SYT4: variants seen among roughly 807,000 people sequenced by gnomAD.
The protein encoded by SYT4 is synaptotagmin-4.
SYT4 carries 7 observed loss-of-function variants against 32.9 expected under a neutral mutation model. The observed-to-expected ratio is 0.21, with a 90% confidence interval of 0.12 to 0.40. SYT4 has a LOEUF of 0.40. Ranked by LOEUF, SYT4 falls within the 10% of genes least tolerant of loss-of-function variation. SYT4 has a pLI of 1.00. For missense variants in SYT4, 480 were observed against 488.0 expected (o/e 0.98, Z 0.16); for synonymous variants, 205 against 186.2 (o/e 1.10, Z -0.82).
chr18:43,274,177 C>A lies in SYT4; in HGVS notation c.252G>T (p.Lys84Asn). The change falls in exon 2 of 4, where the codon AAG (lysine) becomes AAT (asparagine). Residue 84 changes from lysine to asparagine, a missense_variant. Lys to Asn is a moderately conservative substitution (Grantham distance 94, BLOSUM62 0). Transcript: ENST00000255224. The part of the protein sequence containing the change: ...GADDKNEVKN[K>N]PAVPKNSLHL... ...GCAATGAATTCTTTGGCACAGCTGGCTTATTCTTTACTTCATTTTTATCAT... is the reference window on the plus strand; with the variant it reads ...GCAATGAATTCTTTGGCACAGCTGGATTATTCTTTACTTCATTTTTATCAT... The A allele has an allele frequency of 6.2e-7, 1 of 1,614,042 alleles. No homozygotes were observed. Among genetic ancestry groups the A allele is most frequent in the Non-Finnish European group, 8.5e-7 (1 of 1,179,938 alleles).
At chr18:43,270,745 CAT>C (rs1444461940) in intron 3 of SYT4, 97 bp from the exon 4 acceptor site, 2 of 1,304,278 alleles carry the variant, frequency 1.5e-6, no homozygotes, top group African/African-American at 3.0e-5. Flanking sequence ...ATGCCAATGA[CAT>C]GTGGTTACCA....
chr18:43,269,166 A>G lies in SYT4; in HGVS notation c.*1175T>C, dbSNP rs1488207983. ...ACTGCTCTATAGACAACAGCTCAAG[A>G]CAAATTAGCCTAGAAAAGATAGTGA... is the stretch of plus-strand genomic sequence containing the variant. On this transcript the variant is annotated 3_prime_UTR_variant, in exon 4 of 4. Transcript: ENST00000255224. The G allele has an allele frequency of 6.6e-6, 1 of 152,218 alleles. No individual in the cohort carries two copies. The highest frequency in any genetic ancestry group is 2.4e-5 in the African/African-American group (1 of 41,466). 9.4% of individuals were successfully genotyped at this position (152,218 alleles called of 1,614,324 possible).
Position 43,271,816 on chromosome 18 carries a change from C to T in SYT4, c.866G>A (p.Gly289Asp). The change falls in exon 3 of 4, where the codon GGT becomes GAT. Residue 289 changes from glycine to aspartate, a missense_variant. Coordinates refer to ENST00000255224, the MANE Select transcript of SYT4 (RefSeq NM_020783.4). Reference sequence around the variant, plus strand: ...ATAGCAGAGAGAGATCAGTAACTCACCCCGTCCTGAAGACTTCTGCAGAAA... The same window carrying T: ...ATAGCAGAGAGAGATCAGTAACTCATCCCGTCCTGAAGACTTCTGCAGAAA... ...KRNVRKSSGR[G>D]ELLISLCYQS... 6.2e-7 allele frequency: 1 copy of T among 1,612,648 alleles called. No individual in the cohort carries two copies. The highest frequency in any genetic ancestry group is 1.7e-5 in the Admixed American group (1 of 59,990).
At position 43,274,198 on chromosome 18, in the gene SYT4, A is replaced by G; in HGVS notation, c.231T>C (p.Asp77=). 6.2e-7 allele frequency: 1 copy of G among 1,613,926 alleles called. No individual in the cohort carries two copies. Among genetic ancestry groups the G allele is most frequent in the African/African-American group, 1.3e-5 (1 of 75,022 alleles). ...LNSKKKFGAD[D]KNEVKNKPAV... ...CTGGCTTATTCTTTACTTCATTTTT[A>G]TCATCTGCTCCAAACTTCTTTTTGC... The change falls in exon 2 of 4, where the codon GAT becomes GAC. Residue 77 remains aspartate (D), a synonymous_variant. Coordinates refer to ENST00000255224, the MANE Select transcript of SYT4 (RefSeq NM_020783.4).
chr18:43,272,680 G>C (rs146356506), intron 2 of SYT4, among the ~76,000 whole-genome samples: 5 of 152,144 alleles, frequency 3.3e-5, no homozygotes, highest in African/African-American at 4.8e-5. Flanking sequence ...GTATAAGTAG[G>C]CACTCTAAGG....
Position 43,277,269 on chromosome 18 carries a change from T to C in SYT4, c.13A>G (p.Thr5Ala), listed in dbSNP as rs1208188376. MAPI[T>A]TSREEFDEIP... ...TTACCAAATTCTTCCCGGCTGGTGG[T>C]GATCGGAGCCATTTTTTACTGCGTG... Residue 5 changes from threonine to alanine, a missense_variant, in exon 1 of 4, where the codon ACC (threonine) becomes GCC (alanine). Thr to Ala is a moderately conservative substitution (Grantham distance 58). Coordinates refer to ENST00000255224, the MANE Select transcript of SYT4 (RefSeq NM_020783.4). The C allele has an allele frequency of 3.7e-6, 6 of 1,614,042 alleles. No individual in the cohort carries two copies. Among genetic ancestry groups the C allele is most frequent in the South Asian group, 1.1e-5 (1 of 91,072 alleles).
Position 43,269,433 on chromosome 18 carries a change from G to A in SYT4, c.*908C>T, listed in dbSNP as rs750955426. On this transcript the variant is annotated 3_prime_UTR_variant, in exon 4 of 4. Transcript: ENST00000255224. The stretch of plus-strand genomic sequence containing the variant: ...GGCCATGCCGACTCTGGGTACAAAC[G>A]ATGGCCTTAAAAGTACACTTGCACA... 1 of 152,262 alleles carries A rather than the reference G, an allele frequency of 6.6e-6. No individual in the cohort carries two copies. The highest frequency in any genetic ancestry group is 1.5e-5 in the Non-Finnish European group (1 of 68,026). 9.4% of individuals were successfully genotyped at this position (152,262 alleles called of 1,614,324 possible).
In SYT4 at chr18:43,274,033, C is replaced by G. The variant is rs1234968446; in HGVS notation, c.396G>C (p.Glu132Asp). ...ACTTTAAACTCTCAGGGGAAACTGA[C>G]TCTTTTTCCCCTTCTAAAAAGAGCT... ...TPKLFLEGEK[E>D]SVSPESLKSS... is the part of the protein sequence containing the mutation. Residue 132 changes from glutamate (E) to aspartate (D), a missense_variant, in exon 2 of 4, where the codon GAG becomes GAC. Transcript: ENST00000255224. 3 of 1,613,858 alleles carry G rather than the reference C, an allele frequency of 1.9e-6. No individual in the cohort carries two copies. The highest frequency in any genetic ancestry group is 2.5e-6 in the Non-Finnish European group (3 of 1,179,938).
chr18:43,277,146 G>A, intron 1 of SYT4, 102 bp downstream of exon 1: 2 of 1,417,976 alleles, frequency 1.4e-6, no homozygotes, highest in Non-Finnish European at 1.9e-6. Context: ...TAACTACCTA[G>A]GAAATCTGTA....
rs1908534872 is a variant in SYT4 at position 43,268,767 on chromosome 18, C to A, written c.*1574G>T. ...AAGAGGTTGATTTTTAATCTTTGTA[C>A]ATACAGAATGTAATACATTTTCTTT... On this transcript the variant is annotated 3_prime_UTR_variant, in exon 4 of 4. Coordinates refer to ENST00000255224, the MANE Select transcript of SYT4 (RefSeq NM_020783.4). 1 of 152,584 alleles carries A rather than the reference C, an allele frequency of 6.6e-6. No homozygotes were observed. Among genetic ancestry groups the A allele is most frequent in the Non-Finnish European group, 1.5e-5 (1 of 68,044 alleles). 9.5% of individuals were successfully genotyped at this position (152,584 alleles called of 1,614,324 possible). A position where few individuals can be genotyped will look rare whatever the true frequency, so the allele number is the denominator to read the frequency against.
chr18:43,274,242 A>G lies in SYT4; in HGVS notation c.187T>C (p.Tyr63His). 6 of 1,613,940 alleles carry G rather than the reference A, an allele frequency of 3.7e-6. No individual in the cohort carries two copies. Among genetic ancestry groups the G allele is most frequent in the Non-Finnish European group, 5.1e-6 (6 of 1,179,924 alleles). The stretch of plus-strand genomic sequence containing the variant: ...TTTTTGCTATTTAGGTTTTCAGGGT[A>G]AATATCAACTCCCTTAAGCACATGC... The part of the protein sequence containing the change: ...FVHVLKGVDI[Y>H]PENLNSKKKF... The change falls in exon 2 of 4, where the codon TAC becomes CAC. Residue 63 changes from tyrosine (Y) to histidine (H), a missense_variant. Tyr to His is a moderately conservative substitution (Grantham distance 83, BLOSUM62 2). Transcript: ENST00000255224.
chr18:43,277,015 T>C (rs891876346), intron 1 of SYT4, among the ~76,000 whole-genome samples: 7 of 152,128 alleles, frequency 4.6e-5, no homozygotes, highest in African/African-American at 1.4e-4. Context: ...TTTAAGAACT[T>C]CCTGAAGGTA....
At chr18:43,274,569 A>G (rs556290839) in intron 1 of SYT4, among the ~76,000 whole-genome samples, 175 bp from the exon 2 acceptor site, 1 of 152,328 alleles carries the variant, frequency 6.6e-6, no homozygotes, top group East Asian at 1.9e-4. Flanking sequence ...GTACAAATAC[A>G]TCCCCACAGG....
chr18:43,276,889 A>T (rs916515585), intron 1 of SYT4, among the ~76,000 whole-genome samples: 1 of 152,200 alleles, frequency 6.6e-6, no homozygotes, highest in African/African-American at 2.4e-5. Flanking sequence ...TCCTAATAAA[A>T]TATAGATTTA....
chr18:43,275,626 T>G (rs1332715169), intron 1 of SYT4, among the ~76,000 whole-genome samples: 1 of 152,054 alleles, frequency 6.6e-6, no homozygotes, highest in Non-Finnish European at 1.5e-5. Flanking sequence ...CTTCTGCCAA[T>G]CTACTTCACA....
At chr18:43,276,891 A>G (rs1442658271) in intron 1 of SYT4, among the ~76,000 whole-genome samples, 2 of 152,210 alleles carry the variant, frequency 1.3e-5, no homozygotes, top group East Asian at 3.8e-4. Context: ...CTAATAAAAT[A>G]TAGATTTACC....
rs1483637901 is a variant in SYT4, at chr18:43,273,690, T to A, written c.739A>T (p.Arg247Trp). 6.2e-7 allele frequency: 1 copy of A among 1,613,984 alleles called. No homozygotes were observed. Among genetic ancestry groups the A allele is most frequent in the Non-Finnish European group, 8.5e-7 (1 of 1,179,888 alleles). Residue 247 changes from arginine (R) to tryptophan (W), a missense_variant, in exon 2 of 4, where the codon AGG (arginine) becomes TGG (tryptophan). Transcript: ENST00000255224. ...ALHFTILSFD[R>W]FSRDDIIGEV... ...CCAATGATATCATCTCTTGAAAACC[T>A]GTCAAAACTCAAAATTGTGAAGTGC...
Position 43,274,027 on chromosome 18 carries a change from A to C in SYT4, c.402T>G (p.Val134=). ...TGCTGGACTTTAAACTCTCAGGGGA[A>C]ACTGACTCTTTTTCCCCTTCTAAAA... ...KLFLEGEKES[V]SPESLKSSTS... The change falls in exon 2 of 4, where the codon GTT becomes GTG. Residue 134 remains valine (V), a synonymous_variant. Coordinates refer to ENST00000255224, the MANE Select transcript of SYT4 (RefSeq NM_020783.4). 6.2e-7 allele frequency: 1 copy of C among 1,613,928 alleles called. No individual in the cohort carries two copies. The highest frequency in any genetic ancestry group is 8.5e-7 in the Non-Finnish European group (1 of 1,179,922).
intron 3 of SYT4, 81 bp from the exon 4 acceptor site, chr18:43,270,729 C>A (rs878972686): frequency 2.1e-6 from 3 of 1,444,786 alleles, no homozygotes; most frequent in Admixed American, 1.9e-5. Context: ...CCTTAGAGAT[C>A]ATGGCATGCC....
Sources: gnomAD v4.1 joint callset for allele counts (sites outside exome capture counted in the v4.1 genomes callset) on GRCh38, gnomAD v4.1.1 for gene constraint, MANE v1.5 for transcripts, NCBI Gene and HGNC (gene_info 2026-07-23, HGNC 2026-07-21) for gene names.